The following CMKLR2 variants were observed in gnomAD, a reference collection of about 807,000 sequenced individuals.
The protein encoded by CMKLR2 is chemerin-like receptor 2.
A neutral mutation model predicts 23.0 loss-of-function variants in CMKLR2; 18 were observed. That is an observed-to-expected ratio of 0.78 (90% CI 0.54 to 1.16). CMKLR2 has a LOEUF of 1.16. CMKLR2 is among the 50% of genes most tolerant of loss of function. The pLI, the probability that CMKLR2 is intolerant of heterozygous loss-of-function variation, is 0.00. For missense variants in CMKLR2, 401 were observed against 412.7 expected, an observed-to-expected ratio of 0.97 and a Z score of 0.25; for synonymous variants, 158 against 158.9, an observed-to-expected ratio of 0.99 and a Z score of 0.05.
chr2:206,182,783 A>T (rs1006327926), intron 1 of CMKLR2, among the ~76,000 whole-genome samples: 6 of 151,728 alleles, frequency 4.0e-5, no homozygotes, highest in Non-Finnish European at 7.4e-5. Context: ...TGCCCCGCTA[A>T]TTTTTTTTGT....
At chr2:206,195,995 G>A (rs1159353850) in intron 1 of CMKLR2, among the ~76,000 whole-genome samples, 2 of 152,048 alleles carry the variant, frequency 1.3e-5, no homozygotes, top group Non-Finnish European at 2.9e-5. Flanking sequence ...ACTATTCAGT[G>A]GCATGATTAG....
chr2:206,191,757 TC>T (rs1688755486), intron 1 of CMKLR2, among the ~76,000 whole-genome samples: 1 of 149,146 alleles, frequency 6.7e-6, no homozygotes. Context: ...AGCCTTGACC[TC>T]CCAGGGCTCA....
chr2:206,198,075 A>G (rs1356659820), intron 1 of CMKLR2, among the ~76,000 whole-genome samples: 1 of 152,190 alleles, frequency 6.6e-6, no homozygotes, highest in East Asian at 1.9e-4. Context: ...TTAGGGTGAG[A>G]CAGGCGAAGC....
At chr2:206,197,009 AGT>A (rs1688944250) in intron 1 of CMKLR2, among the ~76,000 whole-genome samples, 1 of 152,158 alleles carries the variant, frequency 6.6e-6, no homozygotes, top group Non-Finnish European at 1.5e-5. Context: ...CCTGGGTTCA[AGT>A]GATTTCTACT....
At chr2:206,197,218 T>C (rs950652056) in intron 1 of CMKLR2, among the ~76,000 whole-genome samples, 4 of 152,238 alleles carry the variant, frequency 2.6e-5, no homozygotes, top group South Asian at 4.1e-4. Flanking sequence ...CAAATGCATA[T>C]TCTTTACTGC....
chr2:206,188,251 C>A (rs1348275995), intron 1 of CMKLR2, among the ~76,000 whole-genome samples: 2 of 152,082 alleles, frequency 1.3e-5, no homozygotes, highest in African/African-American at 4.8e-5. Flanking sequence ...GTCTTTAAAT[C>A]CAGGTTTAAA....
At position 206,176,094 on chromosome 2, in the gene CMKLR2, C is replaced by G. The variant is rs1438874172; in HGVS notation, c.*86G>C. On this transcript the variant is annotated 3_prime_UTR_variant, in exon 2 of 2. Transcript: ENST00000621141. ...TAACTATGAAAGTGGAGTCGGCTCT[C>G]TATCTTGGAAACAATTTTAATCTGA... 5.1e-6 allele frequency: 5 copies of G among 978,556 alleles called. No individual in the cohort carries two copies. The highest frequency in any genetic ancestry group is 6.0e-6 in the Non-Finnish European group (4 of 667,068). 60.6% of individuals were successfully genotyped at this position (978,556 alleles called of 1,614,324 possible). A position where few individuals can be genotyped will look rare whatever the true frequency, so the allele number is the denominator to read the frequency against.
At chr2:206,191,694 G>T (rs1214676171) in intron 1 of CMKLR2, among the ~76,000 whole-genome samples, 1 of 146,774 alleles carries the variant, frequency 6.8e-6, no homozygotes. Context: ...TTTAGACAGG[G>T]TCTGGCTGTG....
chr2:206,208,409 A>G (rs573374825), intron 1 of CMKLR2, among the ~76,000 whole-genome samples: 1 of 152,126 alleles, frequency 6.6e-6, no homozygotes, highest in South Asian at 2.1e-4. Flanking sequence ...GCATGGTGGT[A>G]TATGCCTGAG....
At chr2:206,183,264 C>T (rs1031424494) in intron 1 of CMKLR2, among the ~76,000 whole-genome samples, 1 of 152,168 alleles carries the variant, frequency 6.6e-6, no homozygotes, top group Non-Finnish European at 1.5e-5. Context: ...TCTCATTCCC[C>T]AAACAAAGAA....
chr2:206,176,003 A>G lies in CMKLR2; in HGVS notation c.*177T>C. On this transcript the variant is annotated 3_prime_UTR_variant, in exon 2 of 2. Transcript: ENST00000621141. ...ATTTATTGCCACATCACAAGGAGTC[A>G]AGAGGATCCTTCCTAAGTTTCATAT... is the stretch of plus-strand genomic sequence containing the variant. The G allele has an allele frequency of 2.1e-6, 1 of 465,934 alleles. No homozygotes were observed. Among genetic ancestry groups the G allele is most frequent in the Non-Finnish European group, 3.7e-6 (1 of 269,566 alleles). 28.9% of individuals were successfully genotyped at this position (465,934 alleles called of 1,614,324 possible). A position where few individuals can be genotyped will look rare whatever the true frequency, so the allele number is the denominator to read the frequency against.
intron 1 of CMKLR2, among the ~76,000 whole-genome samples, chr2:206,196,248 G>A (rs988510641): frequency 6.6e-6 from 1 of 151,978 alleles, no homozygotes; most frequent in African/African-American, 2.4e-5. Context: ...GGTGGCACAC[G>A]CCTGTAATCC....
chr2:206,176,114 A>G lies in CMKLR2; in HGVS notation c.*66T>C. The G allele has an allele frequency of 8.6e-7, 1 of 1,165,830 alleles. No individual in the cohort carries two copies. The highest frequency in any genetic ancestry group is 2.5e-5 in the Admixed American group (1 of 39,416). 72.2% of individuals were successfully genotyped at this position (1,165,830 alleles called of 1,614,324 possible). The stretch of plus-strand genomic sequence containing the variant: ...GCTCTCTATCTTGGAAACAATTTTA[A>G]TCTGAAAGCATCAGTCAGAGGACCC... On this transcript the variant is annotated 3_prime_UTR_variant, in exon 2 of 2. Coordinates refer to ENST00000621141, the MANE Select transcript of CMKLR2 (RefSeq NM_001389445.1).
At position 206,197,642 on chromosome 2, in the gene CMKLR2, ATC is replaced by A. The variant is rs562046801; in HGVS notation, c.-29+15663_-29+15664del. Among the ~76,000 whole-genome samples the A allele has an allele frequency of 3.4e-3, 522 of 152,260 alleles. 2 individuals are homozygous for A. Among genetic ancestry groups the A allele is most frequent in the Middle Eastern group, 6.8e-3 (2 of 294 alleles). On this transcript the variant is annotated intron_variant, in intron 1 of 1. Transcript: ENST00000621141. Reference sequence around the variant, plus strand: ...TGTAGAGGTTATGACCCACTATCACATCTTGAGTTTCCCCTTTACTCTTCAGC... The same window carrying A: ...TGTAGAGGTTATGACCCACTATCACATTGAGTTTCCCCTTTACTCTTCAGC...
Position 206,176,836 on chromosome 2 carries a change from G to A in CMKLR2, c.412C>T (p.His138Tyr). ...LTVISLDHYIHLIHPVLSHRH... is the reference protein window; with the variant it reads ...LTVISLDHYIYLIHPVLSHRH... ...TGAGATAAGACAGGATGGATCAAGT[G>A]GATATAGTGGTCCAGGCTGATCACT... The change falls in exon 2 of 2, where the codon CAC becomes TAC. Residue 138 changes from histidine to tyrosine, a missense_variant. Coordinates refer to ENST00000621141, the MANE Select transcript of CMKLR2 (RefSeq NM_001389445.1). The A allele has an allele frequency of 6.2e-7, 1 of 1,614,118 alleles. No individual in the cohort carries two copies. The highest frequency in any genetic ancestry group is 1.3e-5 in the African/African-American group (1 of 75,018).
intron 1 of CMKLR2, among the ~76,000 whole-genome samples, chr2:206,187,909 A>G (rs1329999575): frequency 6.6e-6 from 1 of 152,068 alleles, no homozygotes; most frequent in African/African-American, 2.4e-5. Context: ...CTCTTTTTTT[A>G]ATTTTTGAGA....
At position 206,183,709 on chromosome 2, in the gene CMKLR2, T is replaced by A. The variant is rs1688487165; in HGVS notation, c.-28-6434A>T. ...AGCAGATGTTTTTGTTTGATGATGA[T>A]GGTGAGGGGTAGGGATAGAGTGGAG... On this transcript the variant is annotated intron_variant, in intron 1 of 1. Coordinates refer to ENST00000621141, the MANE Select transcript of CMKLR2 (RefSeq NM_001389445.1). Among the ~76,000 whole-genome samples the A allele has an allele frequency of 2.0e-5, 3 of 152,230 alleles. No individual in the cohort carries two copies. In the South Asian group the frequency reaches 6.2e-4, roughly 32 times the overall value.
chr2:206,186,217 T>G (rs1688575492), intron 1 of CMKLR2, among the ~76,000 whole-genome samples: 1 of 151,528 alleles, frequency 6.6e-6, no homozygotes, highest in South Asian at 2.1e-4. Context: ...GTTCATGCCA[T>G]TCTCTTGCCT....
At chr2:206,216,807 C>G (rs1379996437), upstream of CMKLR2, among the ~76,000 whole-genome samples, 2 of 152,114 alleles carry the variant, frequency 1.3e-5, no homozygotes, top group African/African-American at 2.4e-5. Context: ...TCTAATGAAG[C>G]TTTAATAGTG....
Sources: gnomAD v4.1 joint callset for allele counts (sites outside exome capture counted in the v4.1 genomes callset) on GRCh38, gnomAD v4.1.1 for gene constraint, MANE v1.5 for transcripts, NCBI Gene and HGNC (gene_info 2026-07-23, HGNC 2026-07-21) for gene names.